ANO3: variants seen among roughly 807,000 people sequenced by gnomAD.
The protein encoded by ANO3 is anoctamin-3.
ANO3 carries 99 observed loss-of-function variants against 144.8 expected under a neutral mutation model. The observed-to-expected ratio is 0.68, with a 90% confidence interval of 0.58 to 0.81. The LOEUF (loss-of-function observed/expected upper bound fraction) is 0.81. ANO3 is among the 30% of genes least tolerant of loss of function. ANO3 has a pLI of 0.00. For synonymous variants in ANO3, 414 were observed against 392.6 expected, an observed-to-expected ratio of 1.05 and a Z score of -0.64; for missense variants, 905 against 1,202.2, an observed-to-expected ratio of 0.75 and a Z score of 3.66.
At chr11:26,317,132 G>A (rs892979616) in intron 1 of ANO3, among the ~76,000 whole-genome samples, 14 of 152,038 alleles carry the variant, frequency 9.2e-5, no homozygotes, top group Admixed American at 2.6e-4. Context: ...GCACACTGTC[G>A]TAGCTAGTCT....
chr11:26,235,115 T>C (rs1350378660), intron 1 of ANO3, among the ~76,000 whole-genome samples: 1 of 152,146 alleles, frequency 6.6e-6, no homozygotes, highest in East Asian at 1.9e-4. Flanking sequence ...ACCCATATTG[T>C]GGAGGTCCAT....
intron 1 of ANO3, among the ~76,000 whole-genome samples, chr11:26,345,215 C>A (rs892027387): frequency 6.6e-6 from 1 of 152,064 alleles, no homozygotes; most frequent in Non-Finnish European, 1.5e-5. Context: ...ACAATCAAAG[C>A]ATTAAGGCTT....
chr11:26,656,019 G>T, intron 24 of ANO3, 106 bp from the exon 25 acceptor site: 1 of 881,036 alleles, frequency 1.1e-6, no homozygotes, highest in Non-Finnish European at 1.8e-6. Context: ...TTTATCATTA[G>T]AATGGAAAGA....
intron 1 of ANO3, among the ~76,000 whole-genome samples, chr11:26,407,050 GTGT>G (rs1857301549): frequency 1.3e-5 from 1 of 74,134 alleles, no homozygotes; most frequent in African/African-American, 4.5e-5. Context: ...ATATATGGGT[GTGT>G]GTGTGTGTGT....
intron 1 of ANO3, among the ~76,000 whole-genome samples, chr11:26,281,201 C>T (rs1233564192): frequency 6.6e-6 from 1 of 152,106 alleles, no homozygotes; most frequent in Non-Finnish European, 1.5e-5. Flanking sequence ...CAAGATCATA[C>T]AGATCATAAA....
At chr11:26,310,981 C>T (rs185818914) in intron 1 of ANO3, among the ~76,000 whole-genome samples, 1 of 152,234 alleles carries the variant, frequency 6.6e-6, no homozygotes, top group Non-Finnish European at 1.5e-5. Context: ...TTTTATCCCT[C>T]ATTGCTTTGC....
intron 1 of ANO3, among the ~76,000 whole-genome samples, chr11:26,194,411 A>G (rs1035050913): frequency 1.4e-5 from 2 of 142,334 alleles, no homozygotes; most frequent in African/African-American, 5.4e-5. Context: ...CTAATTTTCA[A>G]AATTTTTCAT....
At chr11:26,246,667 A>G (rs887745612) in intron 1 of ANO3, among the ~76,000 whole-genome samples, 5 of 148,648 alleles carry the variant, frequency 3.4e-5, no homozygotes, top group South Asian at 2.1e-4. Context: ...TCCCTACCCA[A>G]AACTCATCTT....
chr11:26,454,961 A>G (rs1439135327), intron 3 of ANO3, among the ~76,000 whole-genome samples: 2 of 146,996 alleles, frequency 1.4e-5, no homozygotes, highest in Non-Finnish European at 1.5e-5. Context: ...AAACAGAGCC[A>G]AAGACAAAAA....
chr11:26,545,749 T>A (rs12280766), intron 11 of ANO3, among the ~76,000 whole-genome samples: 7,966 of 151,218 alleles, frequency 0.053, 264 homozygotes, highest in Admixed American at 0.095. Flanking sequence ...AGAGCTGTGG[T>A]TGATGTGTGA....
chr11:26,332,237 G>C lies in ANO3; in HGVS notation c.-39G>C, dbSNP rs778052395. The C allele has an allele frequency of 2.5e-6, 4 of 1,613,972 alleles. No homozygotes were observed. Among genetic ancestry groups the C allele is most frequent in the South Asian group, 1.1e-5 (1 of 91,074 alleles). ...GCTACTGTTCCTCCGCCTCCCTCTC[G>C]GGCAGCTCCCTAAGCCGGCTGGGAC... On this transcript the variant is annotated 5_prime_UTR_variant, in exon 1 of 27. Coordinates refer to ENST00000256737, the MANE Select transcript of ANO3 (RefSeq NM_031418.4).
At chr11:26,341,624 T>C (rs1481128754) in intron 1 of ANO3, among the ~76,000 whole-genome samples, 1 of 151,814 alleles carries the variant, frequency 6.6e-6, no homozygotes, top group African/African-American at 2.4e-5. Context: ...TGAAAAGGGG[T>C]TTATTAAGGA....
At chr11:26,267,088 TCAAA>T (rs1343789978) in intron 1 of ANO3, among the ~76,000 whole-genome samples, 1 of 139,512 alleles carries the variant, frequency 7.2e-6, no homozygotes, top group African/African-American at 2.6e-5. Flanking sequence ...CAAGATTCCG[TCAAA>T]CAAACAAAAA....
At chr11:26,267,179 C>T (rs1473794896) in intron 1 of ANO3, among the ~76,000 whole-genome samples, 5 of 151,472 alleles carry the variant, frequency 3.3e-5, no homozygotes, top group East Asian at 2.0e-4. Flanking sequence ...CCTTCACGCA[C>T]GCACGCACAC....
chr11:26,293,449 T>G (rs908028089), intron 1 of ANO3, among the ~76,000 whole-genome samples: 1 of 147,284 alleles, frequency 6.8e-6, no homozygotes, highest in African/African-American at 2.5e-5. Flanking sequence ...TTTACATTAC[T>G]GATAAACAAT....
At chr11:26,231,495 T>C (rs185231883) in intron 1 of ANO3, among the ~76,000 whole-genome samples, 24 of 152,206 alleles carry the variant, frequency 1.6e-4, no homozygotes, top group Non-Finnish European at 3.4e-4. Context: ...CTCTGACATC[T>C]GAACAATAGC....
chr11:26,451,999 A>G, intron 3 of ANO3, among the ~76,000 whole-genome samples: 1 of 152,176 alleles, frequency 6.6e-6, no homozygotes, highest in East Asian at 1.9e-4. Context: ...ACCTCTAGCA[A>G]ACTCCAACAG....
At chr11:26,407,827 C>T (rs1857328710) in intron 1 of ANO3, among the ~76,000 whole-genome samples, 1 of 151,838 alleles carries the variant, frequency 6.6e-6, no homozygotes, top group South Asian at 2.1e-4. Context: ...CCCTACCCCA[C>T]TCCCCTTTGC....
chr11:26,487,668 G>A (rs930188398), intron 4 of ANO3, among the ~76,000 whole-genome samples: 3 of 152,124 alleles, frequency 2.0e-5, no homozygotes, highest in Admixed American at 1.3e-4. Context: ...CCAGGCTGAG[G>A]TGGTCTCAGA....
Sources: gnomAD v4.1 joint callset for allele counts (sites outside exome capture counted in the v4.1 genomes callset) on GRCh38, gnomAD v4.1.1 for gene constraint, MANE v1.5 for transcripts, NCBI Gene and HGNC (gene_info 2026-07-23, HGNC 2026-07-21) for gene names.